The following UTRN variants were observed in gnomAD, a reference collection of about 807,000 sequenced individuals.
The protein encoded by UTRN is utrophin.
UTRN carries 283 observed loss-of-function variants against 463.9 expected under a neutral mutation model. The observed-to-expected ratio is 0.61, with a 90% confidence interval of 0.55 to 0.67. The LOEUF is 0.67. Ranked by LOEUF, UTRN falls within the 30% of genes least tolerant of loss-of-function variation. UTRN has a pLI of 0.00. For missense variants in UTRN, 3,922 were observed against 4,084.3 expected (o/e 0.96, Z 1.08); for synonymous variants, 1,442 against 1,431.5 (o/e 1.01, Z -0.17).
intron 23 of UTRN, among the ~76,000 whole-genome samples, chr6:144,463,814 C>CTA (rs1221468814): frequency 1.3e-5 from 2 of 150,832 alleles, no homozygotes; most frequent in East Asian, 3.9e-4. Context: ...ATCTATCTAT[C>CTA]TATATATATA....
chr6:144,511,227 T>A, intron 35 of UTRN, 104 bp downstream of exon 35: 7 of 1,102,992 alleles, frequency 6.3e-6, no homozygotes, highest in Non-Finnish European at 8.4e-6. Flanking sequence ...TTACTGTGTG[T>A]CACAGTGATG....
chr6:144,299,556 C>A (rs1436448847), intron 2 of UTRN, among the ~76,000 whole-genome samples: 3 of 151,580 alleles, frequency 2.0e-5, no homozygotes, highest in African/African-American at 7.3e-5. Context: ...GCCCATTGAA[C>A]CAGAAGATGA....
At chr6:144,736,507 G>A (rs1057216426) in intron 54 of UTRN, among the ~76,000 whole-genome samples, 3 of 151,580 alleles carry the variant, frequency 2.0e-5, no homozygotes, top group African/African-American at 7.3e-5. Context: ...ACTGTTGTAT[G>A]TATTTTTAAG....
chr6:144,318,942 A>C (rs1775455565), intron 2 of UTRN, among the ~76,000 whole-genome samples: 1 of 152,138 alleles, frequency 6.6e-6, no homozygotes, highest in Admixed American at 6.5e-5. Context: ...TGATGCCAGC[A>C]CCTGTGGTCC....
intron 54 of UTRN, among the ~76,000 whole-genome samples, chr6:144,740,492 G>A (rs1416638409): frequency 1.3e-5 from 2 of 152,066 alleles, no homozygotes; most frequent in Non-Finnish European, 2.9e-5. Flanking sequence ...ATTGCTTTCA[G>A]GCCTATAGAC....
intron 69 of UTRN, among the ~76,000 whole-genome samples, chr6:144,831,240 C>T (rs1780647465): frequency 6.6e-6 from 1 of 152,080 alleles, no homozygotes; most frequent in African/African-American, 2.4e-5. Flanking sequence ...AGGGACTTTG[C>T]CACAGGTTTT....
intron 50 of UTRN, among the ~76,000 whole-genome samples, chr6:144,564,095 G>T (rs923265495): frequency 6.6e-6 from 1 of 152,130 alleles, no homozygotes; most frequent in African/African-American, 2.4e-5. Context: ...CAGCCCTAAA[G>T]ATTCAACCAT....
chr6:144,358,242 G>T (rs1250761727), intron 2 of UTRN, among the ~76,000 whole-genome samples: 1 of 152,092 alleles, frequency 6.6e-6, no homozygotes, highest in African/African-American at 2.4e-5. Context: ...TAGAATAACA[G>T]TTTAAATTAC....
chr6:144,372,657 G>A (rs1780102467), intron 2 of UTRN, among the ~76,000 whole-genome samples: 1 of 151,778 alleles, frequency 6.6e-6, no homozygotes, highest in Non-Finnish European at 1.5e-5. Flanking sequence ...ACCATGCCTG[G>A]CTAATTTTGG....
chr6:144,423,510 G>T (rs753040974), intron 4 of UTRN, 39 bp from the exon 5 acceptor site: 1 of 1,597,048 alleles, frequency 6.3e-7, no homozygotes, highest in Admixed American at 1.7e-5. Context: ...CATATGGAGG[G>T]ACAATCAGTT....
rs112553020 is a variant in UTRN at position 144,670,507 on chromosome 6, C to T, written c.7480-7899C>T. 2.0e-3 allele frequency among the ~76,000 whole-genome samples: 306 copies of T among 152,012 alleles called. 2 individuals carry two copies. The highest frequency in any genetic ancestry group is 6.8e-3 in the Middle Eastern group (2 of 292). On this transcript the variant is annotated intron_variant, in intron 51 of 74. Coordinates refer to ENST00000367545, the MANE Select transcript of UTRN (RefSeq NM_007124.3). ...TTATTCTTGCTGATTTGTTTGAGTT[C>T]CTTGTGGATTCTGGATGTTAGTCCT...
At chr6:144,412,094 T>A (rs1783945553) in intron 3 of UTRN, among the ~76,000 whole-genome samples, 1 of 152,220 alleles carries the variant, frequency 6.6e-6, no homozygotes, top group Non-Finnish European at 1.5e-5. Context: ...CTACATATCA[T>A]ACAGTCTTCA....
At chr6:144,720,667 C>G (rs1037122584) in intron 53 of UTRN, among the ~76,000 whole-genome samples, 10 of 152,194 alleles carry the variant, frequency 6.6e-5, no homozygotes, top group African/African-American at 2.2e-4. Flanking sequence ...ACATTACCTT[C>G]AATGTGTTTA....
At chr6:144,415,987 T>G (rs73780562) in intron 3 of UTRN, among the ~76,000 whole-genome samples, 3,219 of 152,190 alleles carry the variant, frequency 0.021, 133 homozygotes, top group African/African-American at 0.074. Flanking sequence ...CAAGAGTCAT[T>G]ATTTCTTGAT....
intron 52 of UTRN, among the ~76,000 whole-genome samples, chr6:144,691,249 T>C (rs1783378172): frequency 6.6e-6 from 1 of 152,200 alleles, no homozygotes; most frequent in South Asian, 2.1e-4. Flanking sequence ...CCCATGTAGC[T>C]GGAAATACAG....
chr6:144,516,146 C>A, intron 37 of UTRN, 83 bp from the exon 38 acceptor site: 2 of 1,397,252 alleles, frequency 1.4e-6, no homozygotes, highest in Non-Finnish European at 2.0e-6. Flanking sequence ...GTGTTAGTTT[C>A]TCTCTTGACA....
At chr6:144,341,192 G>T (rs1031644890) in intron 2 of UTRN, among the ~76,000 whole-genome samples, 16 of 152,244 alleles carry the variant, frequency 1.1e-4, no homozygotes, top group African/African-American at 3.1e-4. Flanking sequence ...TTGGGACATG[G>T]GAAATTTTTT....
At chr6:144,609,495 G>A (rs1291940589) in intron 51 of UTRN, among the ~76,000 whole-genome samples, 1 of 152,158 alleles carries the variant, frequency 6.6e-6, no homozygotes, top group African/African-American at 2.4e-5. Flanking sequence ...GATAGCAAGG[G>A]ACCACAGCAT....
intron 2 of UTRN, among the ~76,000 whole-genome samples, chr6:144,297,628 T>A (rs1400063919): frequency 1.3e-5 from 2 of 152,220 alleles, no homozygotes; most frequent in Non-Finnish European, 2.9e-5. Context: ...TTTGAGCAGG[T>A]TTGTTTTTTT....
Sources: gnomAD v4.1 joint callset for allele counts (sites outside exome capture counted in the v4.1 genomes callset) on GRCh38, gnomAD v4.1.1 for gene constraint, MANE v1.5 for transcripts, NCBI Gene and HGNC (gene_info 2026-07-23, HGNC 2026-07-21) for gene names.